EPM2A: variants seen among roughly 807,000 people sequenced by gnomAD.
EPM2A encodes EPM2A glucan phosphatase, laforin, also known as laforin.
Under a neutral mutation model 26.5 loss-of-function variants are expected in EPM2A, and 21 were observed. The observed-to-expected ratio is 0.79, with a 90% CI of 0.56 to 1.14. The LOEUF (loss-of-function observed/expected upper bound fraction) is 1.14. EPM2A is among the 50% of genes most tolerant of loss of function. EPM2A has a pLI of 0.00. For missense variants in EPM2A, 458 were observed against 440.8 expected (o/e 1.04, Z -0.35); for synonymous variants, 217 against 177.6 (o/e 1.22, Z -1.76).
At chr6:145,421,878 A>C (rs1351471336) in intron 4 of EPM2A, among the ~76,000 whole-genome samples, 1 of 150,032 alleles carries the variant, frequency 6.7e-6, no homozygotes, top group Non-Finnish European at 1.5e-5. Flanking sequence ...TTTAAGGAAA[A>C]AATTATAAAA....
intron 2 of EPM2A, among the ~76,000 whole-genome samples, chr6:145,553,570 C>G (rs1209174467): frequency 2.0e-5 from 3 of 151,976 alleles, no homozygotes; most frequent in Non-Finnish European, 4.4e-5. Flanking sequence ...CAACTGGCAT[C>G]TCAGAATCTT....
chr6:145,446,584 C>G (rs144483474), intron 4 of EPM2A, among the ~76,000 whole-genome samples: 2 of 152,228 alleles, frequency 1.3e-5, no homozygotes, highest in African/African-American at 2.4e-5. Flanking sequence ...CTTCTTTGCT[C>G]TTATTCATAT....
intron 2 of EPM2A, among the ~76,000 whole-genome samples, chr6:145,655,535 A>G (rs1271687935): frequency 6.6e-6 from 1 of 152,178 alleles, no homozygotes; most frequent in Admixed American, 6.5e-5. Flanking sequence ...TGAAAGGCAG[A>G]AGCTGTAATA....
At chr6:145,520,639 T>C (rs969046690) in intron 2 of EPM2A, among the ~76,000 whole-genome samples, 1 of 152,202 alleles carries the variant, frequency 6.6e-6, no homozygotes, top group African/African-American at 2.4e-5. Flanking sequence ...CAAATATTTA[T>C]GAAGGAAATA....
At chr6:145,459,506 A>C (rs1428263253) in intron 4 of EPM2A, among the ~76,000 whole-genome samples, 1 of 152,198 alleles carries the variant, frequency 6.6e-6, no homozygotes, top group East Asian at 1.9e-4. Flanking sequence ...TCAATATCAA[A>C]ATGTCTTAAT....
intron 2 of EPM2A, chr6:145,671,219 T>G (rs145103040): frequency 0.022 from 22,813 of 1,028,850 alleles, 307 homozygotes; most frequent in Non-Finnish European, 0.024. Flanking sequence ...CTTATCATTA[T>G]ACAAGAAGTG....
At chr6:145,633,612 A>C (rs1776428714) in intron 3 of EPM2A, 1 of 152,330 alleles carries the variant, frequency 6.6e-6, no homozygotes, top group African/African-American at 2.4e-5. Flanking sequence ...GGACCACCTG[A>C]GATCCATAAA....
At chr6:145,545,357 C>A (rs1272702177) in intron 2 of EPM2A, among the ~76,000 whole-genome samples, 1 of 152,142 alleles carries the variant, frequency 6.6e-6, no homozygotes, top group Non-Finnish European at 1.5e-5. Context: ...CAAGTCAAAT[C>A]ATACAAGCAC....
chr6:145,727,620 C>T (rs1179328944), intron 1 of EPM2A, among the ~76,000 whole-genome samples: 1 of 152,104 alleles, frequency 6.6e-6, no homozygotes, highest in African/African-American at 2.4e-5. Flanking sequence ...GAATAAAATA[C>T]ACATAGTCCC....
chr6:145,447,450 T>C (rs1562338352), intron 4 of EPM2A, among the ~76,000 whole-genome samples: 1 of 152,132 alleles, frequency 6.6e-6, no homozygotes, highest in Admixed American at 6.6e-5. Context: ...TTTTACTATA[T>C]ACATCTGCTA....
intron 4 of EPM2A, among the ~76,000 whole-genome samples, chr6:145,422,172 T>C (rs1269745424): frequency 1.4e-5 from 2 of 146,150 alleles, no homozygotes; most frequent in African/African-American, 4.9e-5. Context: ...ATTTATATTA[T>C]AAAATTTTTA....
intron 2 of EPM2A, among the ~76,000 whole-genome samples, chr6:145,644,902 T>G (rs1777349500): frequency 6.6e-6 from 1 of 152,176 alleles, no homozygotes; most frequent in South Asian, 2.1e-4. Context: ...TACTTGTCAG[T>G]AATACTTGAT....
intron 2 of EPM2A, among the ~76,000 whole-genome samples, chr6:145,521,282 G>A (rs1052205692): frequency 6.6e-6 from 1 of 152,064 alleles, no homozygotes; most frequent in African/African-American, 2.4e-5. Context: ...CCTGAGAATG[G>A]GGAAGAAATG....
rs147309354 is a variant in EPM2A at position 145,691,407 on chromosome 6, A to G, written c.302-5111T>C. Reference sequence around the variant, plus strand: ...CTTTGTGACTATTTCCTTCAGGAAAAAAAGGGAAAATCAAAACATGCTTAT... The same window carrying G: ...CTTTGTGACTATTTCCTTCAGGAAAGAAAGGGAAAATCAAAACATGCTTAT... On this transcript the variant is annotated intron_variant, in intron 1 of 3. Coordinates refer to ENST00000367519, the MANE Select transcript of EPM2A (RefSeq NM_005670.4). 2.8e-3 allele frequency among the ~76,000 whole-genome samples: 420 copies of G among 152,312 alleles called. 5 individuals carry two copies. Among genetic ancestry groups the G allele is most frequent in the African/African-American group, 9.6e-3 (401 of 41,574 alleles).
chr6:145,469,990 A>G (rs1293233472), intron 4 of EPM2A, among the ~76,000 whole-genome samples: 2 of 152,110 alleles, frequency 1.3e-5, no homozygotes, highest in African/African-American at 4.8e-5. Flanking sequence ...ACTCGTGAAG[A>G]CAGAGATTAG....
chr6:145,438,546 T>G (rs1779019165), intron 4 of EPM2A, among the ~76,000 whole-genome samples: 1 of 147,270 alleles, frequency 6.8e-6, no homozygotes. Flanking sequence ...TCATCTTGGC[T>G]CCCTGCAACC....
In EPM2A at chr6:145,531,657, T is replaced by C. The variant is rs1371727076; in HGVS notation, c.341-29082A>G. Reference sequence around the variant, plus strand: ...CAATGCATCACACCATACTATGGCATAGCTAAGACCCAACCCGGTACCATA... The same window carrying C: ...CAATGCATCACACCATACTATGGCACAGCTAAGACCCAACCCGGTACCATA... On this transcript the variant is annotated intron_variant, in intron 2 of 3. Transcript: ENST00000450221. Among the ~76,000 whole-genome samples, 3 of 152,204 alleles carry C rather than the reference T, an allele frequency of 2.0e-5. No homozygotes were observed. The East Asian group carries it at 5.8e-4, about 29-fold the overall frequency.
In EPM2A at chr6:145,671,397, G is replaced by T. The variant is rs866664344; in HGVS notation, c.476+14725C>A. The T allele has an allele frequency of 4.0e-6, 4 of 992,112 alleles. No homozygotes were observed. In the Middle Eastern group the frequency reaches 8.4e-4, roughly 209 times the overall value. 61.5% of individuals were successfully genotyped at this position (992,112 alleles called of 1,614,324 possible). On this transcript the variant is annotated intron_variant, in intron 2 of 3. Coordinates refer to ENST00000367519, the MANE Select transcript of EPM2A (RefSeq NM_005670.4). ...CTGGAATTCAGGCCTTTGGTCCCTGGATCTGAAAGCAGAGAAGCTGATATG... is the reference window on the plus strand; with the variant it reads ...CTGGAATTCAGGCCTTTGGTCCCTGTATCTGAAAGCAGAGAAGCTGATATG...
chr6:145,450,350 CAAA>C (rs368618860), intron 4 of EPM2A, among the ~76,000 whole-genome samples: 5 of 62,488 alleles, frequency 8.0e-5, no homozygotes, highest in East Asian at 4.6e-4. Context: ...GACTCCGTCT[CAAA>C]AAAAAAAAAA....
Sources: gnomAD v4.1 joint callset for allele counts (sites outside exome capture counted in the v4.1 genomes callset) on GRCh38, gnomAD v4.1.1 for gene constraint, MANE v1.5 for transcripts, NCBI Gene and HGNC (gene_info 2026-07-23, HGNC 2026-07-21) for gene names.